Variants in SPTSSA observed in about 807,000 individuals in gnomAD.
SPTSSA encodes serine palmitoyltransferase small subunit A, also known as small subunit of serine palmitoyltransferase A.
In SPTSSA, 8 loss-of-function variants were observed where a neutral mutation model predicts 9.1. That is an observed-to-expected ratio of 0.88 (90% CI 0.51 to 1.58). The LOEUF (loss-of-function observed/expected upper bound fraction) is 1.58, where lower values mean the gene tolerates loss of function less well. SPTSSA is among the 40% of genes most tolerant of loss of function. The pLI, the probability that SPTSSA is intolerant of heterozygous loss-of-function variation, is 0.00. For synonymous variants in SPTSSA, 42 were observed against 37.7 expected (o/e 1.11, Z -0.41); for missense variants, 100 against 93.8 (o/e 1.07, Z -0.27).
At position 34,435,433 on chromosome 14, in the gene SPTSSA, T is replaced by TTAAA; in HGVS notation, c.113-130_113-129insTTTA. 5.3e-6 allele frequency: 3 copies of TTAAA among 562,806 alleles called. No individual in the cohort carries two copies. In the African/African-American group the frequency reaches 5.8e-5, roughly 11 times the overall value. The allele number at this position is 562,806 out of a possible 1,614,324, so 34.9% of individuals were successfully genotyped here. ...CTTTCTCATTTATATCAAGCACTGA[T>TTAAA]AAAAAAAACAACAAGAATGATAATA... On this transcript the variant is annotated intron_variant, in intron 1 of 1. Coordinates refer to ENST00000298130, the MANE Select transcript of SPTSSA (RefSeq NM_138288.4).
chr14:34,436,911 C>T (rs1213349851), intron 1 of SPTSSA, among the ~76,000 whole-genome samples: 1 of 151,356 alleles, frequency 6.6e-6, no homozygotes, highest in Non-Finnish European at 1.5e-5. Flanking sequence ...CCTTAAACTG[C>T]CGCCTTCTAT....
At chr14:34,449,305 A>G (rs1414540274) in intron 1 of SPTSSA, among the ~76,000 whole-genome samples, 2 of 152,164 alleles carry the variant, frequency 1.3e-5, no homozygotes, top group Non-Finnish European at 2.9e-5. Flanking sequence ...TGAAGCAGGA[A>G]TATCACTTGA....
intron 1 of SPTSSA, among the ~76,000 whole-genome samples, chr14:34,461,053 CT>C (rs1345722148): frequency 9.2e-5 from 14 of 152,200 alleles, no homozygotes; most frequent in Non-Finnish European, 1.8e-4. Flanking sequence ...CAGTCACTCA[CT>C]GGAATGCAAC....
chr14:34,439,526 G>A (rs1883287855), intron 1 of SPTSSA, among the ~76,000 whole-genome samples: 1 of 151,986 alleles, frequency 6.6e-6, no homozygotes, highest in Non-Finnish European at 1.5e-5. Flanking sequence ...GGAGACCTAG[G>A]TGAAGACCAA....
chr14:34,447,531 G>T (rs913744367), intron 1 of SPTSSA, among the ~76,000 whole-genome samples: 1 of 152,138 alleles, frequency 6.6e-6, no homozygotes, highest in Non-Finnish European at 1.5e-5. Context: ...TATAAATGAT[G>T]TGCTGAGACT....
intron 1 of SPTSSA, among the ~76,000 whole-genome samples, chr14:34,458,440 TC>T (rs1878535927): frequency 6.6e-6 from 1 of 151,896 alleles, no homozygotes; most frequent in Non-Finnish European, 1.5e-5. Context: ...CACCGCGGCC[TC>T]CCAGAGTGCT....
rs538059626 is a variant in SPTSSA at position 34,445,749 on chromosome 14, G to T, written c.113-10445C>A. Among the ~76,000 whole-genome samples, 16 of 152,246 alleles carry T rather than the reference G, an allele frequency of 1.1e-4. 1 individual carries two copies. The South Asian group carries it at 3.3e-3, about 32-fold the overall frequency. On this transcript the variant is annotated intron_variant, in intron 1 of 1. Coordinates refer to ENST00000298130, the MANE Select transcript of SPTSSA (RefSeq NM_138288.4). ...TCAGTCTTCTTTAGGTTACATTTTT[G>T]TGAATAATACTAATGTATATTCCAA...
chr14:34,435,926 G>A (rs1049975072), intron 1 of SPTSSA, among the ~76,000 whole-genome samples: 10 of 151,964 alleles, frequency 6.6e-5, no homozygotes, highest in East Asian at 1.9e-4. Context: ...CACTGCGCCC[G>A]GCAGGACTGC....
intron 1 of SPTSSA, among the ~76,000 whole-genome samples, chr14:34,461,080 T>A (rs533432751): frequency 3.9e-5 from 6 of 152,310 alleles, no homozygotes; most frequent in African/African-American, 1.4e-4. Flanking sequence ...ATTCGCAAAG[T>A]TATTCTGAAG....
At chr14:34,437,469 A>G (rs1307618837) in intron 1 of SPTSSA, among the ~76,000 whole-genome samples, 1 of 152,144 alleles carries the variant, frequency 6.6e-6, no homozygotes, top group Non-Finnish European at 1.5e-5. Context: ...ACCCATCTTC[A>G]TGGATAACCC....
intron 1 of SPTSSA, among the ~76,000 whole-genome samples, chr14:34,452,546 GCT>G (rs1335075001): frequency 1.3e-5 from 2 of 152,258 alleles, no homozygotes; most frequent in East Asian, 3.9e-4. Flanking sequence ...TTGATGACAA[GCT>G]CTTTTAAAAC....
chr14:34,461,175 C>G (rs1036879006), intron 1 of SPTSSA, among the ~76,000 whole-genome samples: 6 of 152,120 alleles, frequency 3.9e-5, no homozygotes, highest in African/African-American at 1.4e-4. Flanking sequence ...TTTGTATTGG[C>G]CTGAGTTTTT....
intron 1 of SPTSSA, among the ~76,000 whole-genome samples, chr14:34,461,827 T>C (rs1878622912): frequency 6.6e-6 from 1 of 152,128 alleles, no homozygotes; most frequent in Admixed American, 6.5e-5. Context: ...CTTCGGAGAT[T>C]TCCTCCAGGA....
chr14:34,440,820 G>A (rs1019030973), intron 1 of SPTSSA, among the ~76,000 whole-genome samples: 5 of 151,956 alleles, frequency 3.3e-5, no homozygotes, highest in Admixed American at 3.3e-4. Context: ...GGCGGAGGGT[G>A]TGGTGAGCCG....
At chr14:34,450,491 G>A (rs957156465) in intron 1 of SPTSSA, among the ~76,000 whole-genome samples, 1 of 152,168 alleles carries the variant, frequency 6.6e-6, no homozygotes, top group Non-Finnish European at 1.5e-5. Context: ...CAAAGTAATG[G>A]AGTAATCTTT....
At position 34,442,792 on chromosome 14, in the gene SPTSSA, C is replaced by T. The variant is rs373138119; in HGVS notation, c.113-7488G>A. ...GTCTGGGGAGGTTTGGCCTTTAAAA[C>T]TCAAAATGTCATGGAGACTGCTTTA... On this transcript the variant is annotated intron_variant, in intron 1 of 1. Transcript: ENST00000298130. Among the ~76,000 whole-genome samples, 617 of 152,300 alleles carry T rather than the reference C, an allele frequency of 4.1e-3. 3 individuals carry two copies. Among genetic ancestry groups the T allele is most frequent in the African/African-American group, 0.013 (548 of 41,554 alleles).
intron 1 of SPTSSA, among the ~76,000 whole-genome samples, chr14:34,459,553 G>C (rs1878572822): frequency 6.6e-6 from 1 of 151,930 alleles, no homozygotes; most frequent in Non-Finnish European, 1.5e-5. Flanking sequence ...GGCTGCAGTG[G>C]GCAGATCACT....
Position 34,434,811 on chromosome 14 carries a change from A to G in SPTSSA, c.*390T>C, listed in dbSNP as rs1883213625. 6.4e-6 allele frequency: 1 copy of G among 155,770 alleles called. No homozygotes were observed. 9.6% of individuals were successfully genotyped at this position (155,770 alleles called of 1,614,324 possible). The stretch of plus-strand genomic sequence containing the variant: ...ATATCCAGGCAGATGTATATGCCAT[A>G]CAATAGCAAGAACAGTAAAGCCCAA... On this transcript the variant is annotated 3_prime_UTR_variant, in exon 2 of 2. Coordinates refer to ENST00000298130, the MANE Select transcript of SPTSSA (RefSeq NM_138288.4).
chr14:34,451,583 C>A lies in SPTSSA; in HGVS notation c.112+10513G>T, dbSNP rs1405019831. Among the ~76,000 whole-genome samples, 4 of 151,838 alleles carry A rather than the reference C, an allele frequency of 2.6e-5. No individual in the cohort carries two copies. In the East Asian group the frequency reaches 5.8e-4, roughly 22 times the overall value. ...CTAAAAATACAAAAAATTAGCCGGGCGCGGTGGCGGGCGCCTGTAGTCCCA... is the reference window on the plus strand; with the variant it reads ...CTAAAAATACAAAAAATTAGCCGGGAGCGGTGGCGGGCGCCTGTAGTCCCA... On this transcript the variant is annotated intron_variant, in intron 1 of 1. Transcript: ENST00000298130.
Sources: gnomAD v4.1 joint callset for allele counts (sites outside exome capture counted in the v4.1 genomes callset) on GRCh38, gnomAD v4.1.1 for gene constraint, MANE v1.5 for transcripts, NCBI Gene and HGNC (gene_info 2026-07-23, HGNC 2026-07-21) for gene names.